KLF8: variants seen among roughly 807,000 people sequenced by gnomAD.
KLF8 encodes the protein KLF transcription factor 8.
In KLF8, 10 loss-of-function variants were observed where a neutral mutation model predicts 18.2. The ratio of observed to expected loss-of-function variants is 0.55; its 90% CI spans 0.34 to 0.93. KLF8 has a LOEUF of 0.93. Ranked by LOEUF, KLF8 falls within the 40% of genes least tolerant of loss-of-function variation. KLF8 has a pLI of 0.02. For synonymous variants in KLF8, 109 were observed against 97.3 expected, an observed-to-expected ratio of 1.12 and a Z score of -0.71; for missense variants, 264 against 277.9, an observed-to-expected ratio of 0.95 and a Z score of 0.36.
chrX:55,967,279 A>G, the KLF8 span, among the ~76,000 whole-genome samples: 9 of 111,718 alleles, frequency 8.1e-5, no homozygotes, highest in Non-Finnish European at 1.7e-4. Flanking sequence ...CAGAACACAA[A>G]GCAGATTTAA....
At chrX:55,937,461 G>C in the KLF8 span, among the ~76,000 whole-genome samples, 2 of 111,925 alleles carry the variant, frequency 1.8e-5, no homozygotes, top group Non-Finnish European at 3.8e-5. Flanking sequence ...CTAAAAATCA[G>C]AGCGACTCTC....
chrX:55,994,170 A>G, the KLF8 span, among the ~76,000 whole-genome samples: 4 of 110,157 alleles, frequency 3.6e-5, no homozygotes, highest in East Asian at 1.1e-3. Flanking sequence ...TCAGCCTCCC[A>G]AAGTGCTGGG....
chrX:55,942,055 G>T, the KLF8 span, among the ~76,000 whole-genome samples: 1 of 111,548 alleles, frequency 9.0e-6, no homozygotes, highest in Admixed American at 9.5e-5. Context: ...CTGCCTTAAA[G>T]ACACATGCAC....
At chrX:55,985,282 A>G in the KLF8 span, among the ~76,000 whole-genome samples, 1 of 111,929 alleles carries the variant, frequency 8.9e-6, no homozygotes, top group Admixed American at 9.5e-5. Context: ...TCTTTAATCC[A>G]TCTTGAATCA....
chrX:55,961,456 G>A, the KLF8 span: 1 of 546,327 alleles, frequency 1.8e-6, no homozygotes, highest in Non-Finnish European at 3.4e-6. Flanking sequence ...CAAGGAAGAG[G>A]CCCAGATTGC....
the KLF8 span, among the ~76,000 whole-genome samples, chrX:55,969,086 T>G: frequency 3.7e-4 from 42 of 112,031 alleles, no homozygotes; most frequent in Non-Finnish European, 3.2e-4. Flanking sequence ...GGACTTAATC[T>G]GGACTATAGA....
the KLF8 span, among the ~76,000 whole-genome samples, chrX:56,036,672 A>G: frequency 8.9e-6 from 1 of 111,916 alleles, no homozygotes. Context: ...AGTCTTTTGT[A>G]GTTCCATACA....
At chrX:55,940,012 C>T in the KLF8 span, among the ~76,000 whole-genome samples, 1 of 111,828 alleles carries the variant, frequency 8.9e-6, no homozygotes, top group African/African-American at 3.3e-5. Flanking sequence ...GGGAATCCTC[C>T]CTAACTCATT....
At chrX:55,943,280 C>T in the KLF8 span, among the ~76,000 whole-genome samples, 2 of 108,258 alleles carry the variant, frequency 1.8e-5, no homozygotes, top group Admixed American at 2.0e-4. Context: ...CAGCATAGCT[C>T]GAAATAAAAA....
chrX:56,115,872 G>A, the KLF8 span, among the ~76,000 whole-genome samples: 134 of 112,125 alleles, frequency 1.2e-3, no homozygotes, highest in African/African-American at 4.1e-3. Context: ...CACAGAGCAA[G>A]TAAGTACCAT....
At chrX:56,024,151 G>T in the KLF8 span, among the ~76,000 whole-genome samples, 2 of 110,030 alleles carry the variant, frequency 1.8e-5, no homozygotes, top group Non-Finnish European at 3.8e-5. Context: ...ACAACACTGC[G>T]TACTGACAAT....
chrX:56,188,720 T>C, the KLF8 span, among the ~76,000 whole-genome samples: 2 of 111,429 alleles, frequency 1.8e-5, no homozygotes, highest in Non-Finnish European at 3.8e-5. Flanking sequence ...ATGCCACATA[T>C]CTACAACTAT....
chrX:55,942,533 TAA>T, the KLF8 span, among the ~76,000 whole-genome samples: 1 of 110,997 alleles, frequency 9.0e-6, no homozygotes, highest in Non-Finnish European at 1.9e-5. Flanking sequence ...ATAAAATTAA[TAA>T]AAAAAGAATC....
At chrX:56,251,689 C>T (rs2066715190) in intron 2 of KLF8, among the ~76,000 whole-genome samples, 1 of 110,620 alleles carries the variant, frequency 9.0e-6, no homozygotes, top group Non-Finnish European at 1.9e-5. Context: ...TCTCGAACTC[C>T]TGACCTCATG....
At chrX:56,258,861 C>T (rs767398762) in intron 2 of KLF8, among the ~76,000 whole-genome samples, 4 of 111,661 alleles carry the variant, frequency 3.6e-5, no homozygotes, top group African/African-American at 6.5e-5. Context: ...TCTATAACTA[C>T]GCAATGCTGG....
the KLF8 span, among the ~76,000 whole-genome samples, chrX:56,146,001 A>C: frequency 8.9e-6 from 1 of 112,528 alleles, no homozygotes; most frequent in Admixed American, 9.4e-5. Context: ...ACACATCAAA[A>C]CCACAATGAG....
the KLF8 span, among the ~76,000 whole-genome samples, chrX:56,025,727 C>T: frequency 2.7e-5 from 3 of 111,735 alleles, no homozygotes; most frequent in East Asian, 8.4e-4. Flanking sequence ...ATTTCAAATA[C>T]CGTGATCATG....
At chrX:56,035,387 A>G in the KLF8 span, among the ~76,000 whole-genome samples, 1 of 112,147 alleles carries the variant, frequency 8.9e-6, no homozygotes, top group Non-Finnish European at 1.9e-5. Flanking sequence ...ACTTAGGTCA[A>G]TTCCATACCC....
At chrX:56,244,264 C>T (rs893023985) in intron 1 of KLF8, among the ~76,000 whole-genome samples, 3 of 111,738 alleles carry the variant, frequency 2.7e-5, no homozygotes, top group Admixed American at 9.5e-5. Flanking sequence ...GGCTAGACTG[C>T]GGTGGCACAA....
Sources: allele counts gnomAD v4.1 joint callset (sites outside exome capture counted in the v4.1 genomes callset), GRCh38; gene constraint gnomAD v4.1.1; transcripts MANE v1.5; gene names NCBI Gene and HGNC (gene_info 2026-07-23, HGNC 2026-07-21).